Variants in PDZD2 observed in about 807,000 individuals in gnomAD.
The protein encoded by PDZD2 is PDZ domain containing 2.
Under a neutral mutation model 220.7 loss-of-function variants are expected in PDZD2, and 90 were observed. That is an observed-to-expected ratio of 0.41 (90% CI 0.34 to 0.49). PDZD2 has a LOEUF of 0.49. Ranked by LOEUF, PDZD2 falls within the 20% of genes least tolerant of loss-of-function variation. The pLI, the probability that PDZD2 is intolerant of heterozygous loss-of-function variation, is 0.28. For synonymous variants in PDZD2, 1,375 were observed against 1,450.5 expected (o/e 0.95, Z 1.18); for missense variants, 3,174 against 3,608.5 (o/e 0.88, Z 3.08).
intron 2 of PDZD2, among the ~76,000 whole-genome samples, chr5:31,862,163 T>C (rs1737779011): frequency 7.5e-6 from 1 of 133,014 alleles, no homozygotes; most frequent in Non-Finnish European, 1.5e-5. Context: ...TGGAGTGCAG[T>C]GGCACAATCT....
chr5:31,837,342 G>A (rs1192218813), intron 2 of PDZD2, among the ~76,000 whole-genome samples: 1 of 152,158 alleles, frequency 6.6e-6, no homozygotes, highest in East Asian at 1.9e-4. Flanking sequence ...AAGCAGCTAG[G>A]CCTCTGGACT....
intron 1 of PDZD2, among the ~76,000 whole-genome samples, chr5:31,796,905 G>GT (rs111300335): frequency 0.14 from 20,982 of 150,014 alleles, 1,602 homozygotes; most frequent in African/African-American, 0.2. Context: ...ATATTTACGG[G>GT]GTTTTTTTTG....
chr5:31,702,173 G>A (rs537672184), intron 1 of PDZD2, among the ~76,000 whole-genome samples: 1 of 152,214 alleles, frequency 6.6e-6, no homozygotes. Context: ...GAGTAGAGAG[G>A]GGGTGAGAGT....
chr5:31,810,412 A>G (rs955280390), intron 2 of PDZD2, among the ~76,000 whole-genome samples: 10 of 151,898 alleles, frequency 6.6e-5, no homozygotes, highest in East Asian at 3.9e-4. Flanking sequence ...ACAGGTGCCC[A>G]CCACCACGCC....
intron 2 of PDZD2, among the ~76,000 whole-genome samples, chr5:31,903,293 CA>C (rs202238776): frequency 1.4e-5 from 2 of 146,788 alleles, no homozygotes; most frequent in Non-Finnish European, 1.5e-5. Flanking sequence ...GACTCCATCT[CA>C]AAAAAAAATA....
chr5:31,721,219 C>T (rs1287372156), intron 1 of PDZD2, among the ~76,000 whole-genome samples: 3 of 152,054 alleles, frequency 2.0e-5, no homozygotes, highest in Non-Finnish European at 4.4e-5. Flanking sequence ...GAACAAGGAC[C>T]CTCACTGTCT....
intron 6 of PDZD2, among the ~76,000 whole-genome samples, chr5:32,030,429 A>G (rs1270446784): frequency 6.6e-6 from 1 of 152,104 alleles, no homozygotes; most frequent in African/African-American, 2.4e-5. Flanking sequence ...TTTCTCCTAC[A>G]TATTTTGGGG....
intron 2 of PDZD2, among the ~76,000 whole-genome samples, chr5:31,864,971 C>CA (rs1377822014): frequency 1.3e-5 from 2 of 150,946 alleles, no homozygotes; most frequent in African/African-American, 4.9e-5. Context: ...GCCTCAGCCC[C>CA]CCGAGTAGCT....
intron 2 of PDZD2, among the ~76,000 whole-genome samples, chr5:31,880,887 C>T (rs950960719): frequency 1.4e-5 from 2 of 145,312 alleles, no homozygotes; most frequent in Non-Finnish European, 3.0e-5. Flanking sequence ...CTGCAACCTC[C>T]GCCTCCCAGG....
intron 1 of PDZD2, among the ~76,000 whole-genome samples, chr5:31,758,531 A>T (rs1751435610): frequency 6.6e-6 from 1 of 152,140 alleles, no homozygotes; most frequent in Non-Finnish European, 1.5e-5. Flanking sequence ...GGGAGGAGGG[A>T]CATGACTGGG....
chr5:31,995,892 C>G (rs1343258109), intron 4 of PDZD2, among the ~76,000 whole-genome samples, 174 bp downstream of exon 4: 1 of 152,156 alleles, frequency 6.6e-6, no homozygotes, highest in Non-Finnish European at 1.5e-5. Flanking sequence ...TTGAACACAC[C>G]TCTGAGCACA....
rs75800040 is a variant in PDZD2 at position 31,975,811 on chromosome 5, T to A, written c.477-7344T>A. On this transcript the variant is annotated intron_variant, in intron 2 of 24. Coordinates refer to ENST00000438447, the MANE Select transcript of PDZD2 (RefSeq NM_178140.4). ...TCAGTCACTTTTTTTTTATTTATTT[T>A]TTTTTTTTTTGAGACAAGGTCTTAC... 6.7e-3 allele frequency among the ~76,000 whole-genome samples: 958 copies of A among 142,100 alleles called. 59 individuals carry two copies. The highest frequency in any genetic ancestry group is 0.043 in the Admixed American group (613 of 14,364). 93.2% of individuals were successfully genotyped at this position (142,100 alleles called of 152,430 possible). A position where few individuals can be genotyped will look rare whatever the true frequency, so the allele number is the denominator to read the frequency against.
intron 1 of PDZD2, among the ~76,000 whole-genome samples, chr5:31,756,627 C>G (rs938975663): frequency 6.6e-6 from 1 of 152,204 alleles, no homozygotes; most frequent in Non-Finnish European, 1.5e-5. Context: ...GGGCACCCCA[C>G]AGAGTGAACA....
At chr5:31,989,458 C>T (rs1231880377) in intron 3 of PDZD2, among the ~76,000 whole-genome samples, 4 of 125,716 alleles carry the variant, frequency 3.2e-5, no homozygotes, top group African/African-American at 1.1e-4. Context: ...AGTCTCACTC[C>T]GTCACCCAGG....
chr5:32,003,264 A>G (rs201628016), intron 5 of PDZD2, among the ~76,000 whole-genome samples: 57,170 of 116,082 alleles, frequency 0.49, 17,081 homozygotes, highest in Non-Finnish European at 0.66. Flanking sequence ...CACACACCAC[A>G]TGCCACACAC....
At chr5:32,002,897 A>ACACACACCACG (rs1752345006) in intron 5 of PDZD2, among the ~76,000 whole-genome samples, 2 of 94,622 alleles carry the variant, frequency 2.1e-5, no homozygotes, top group African/African-American at 8.4e-5. Flanking sequence ...ACACACCAAC[A>ACACACACCACG]CACACCCCCA....
At chr5:32,073,758 TG>T in intron 17 of PDZD2, 73 bp from the exon 18 acceptor site, 1 of 895,422 alleles carries the variant, frequency 1.1e-6, no homozygotes, top group Non-Finnish European at 1.8e-6. Flanking sequence ...TGTGTAATGA[TG>T]GGGTCAGATG....
chr5:31,823,001 T>C, intron 2 of PDZD2: 1 of 1,188,394 alleles, frequency 8.4e-7, no homozygotes, highest in Non-Finnish European at 1.2e-6. Flanking sequence ...CCGAGAAGAC[T>C]GAGTTCTACG....
Position 31,665,943 on chromosome 5 carries a change from G to A in PDZD2, c.-361+26506G>A, listed in dbSNP as rs1029738520. ...CATAAGGTGATAGGGAAGTGAGGAC[G>A]GGACCTCATTCATTCACACGTTCAA... is the stretch of plus-strand genomic sequence containing the variant. On this transcript the variant is annotated intron_variant, in intron 1 of 24. Coordinates refer to ENST00000438447, the MANE Select transcript of PDZD2 (RefSeq NM_178140.4). 2.6e-5 allele frequency among the ~76,000 whole-genome samples: 4 copies of A among 152,302 alleles called. No individual in the cohort carries two copies. In the East Asian group the frequency reaches 5.8e-4, roughly 22 times the overall value.
Sources: gnomAD v4.1 joint callset for allele counts (sites outside exome capture counted in the v4.1 genomes callset) on GRCh38, gnomAD v4.1.1 for gene constraint, MANE v1.5 for transcripts, NCBI Gene and HGNC (gene_info 2026-07-23, HGNC 2026-07-21) for gene names.